The following VWA8 variants were observed in gnomAD, a reference collection of about 807,000 sequenced individuals.
VWA8 encodes von Willebrand factor A domain-containing protein 8.
VWA8 carries 221 observed loss-of-function variants against 241.5 expected under a neutral mutation model. The observed-to-expected ratio is 0.91, with a 90% CI of 0.82 to 1.02. VWA8 has a LOEUF of 1.02. Among genes scored for constraint, VWA8 ranks in the 50% least tolerant of loss-of-function variants. The pLI, the probability that VWA8 is intolerant of heterozygous loss-of-function variation, is 0.00. For missense variants in VWA8, 2,322 were observed against 2,328.7 expected, an observed-to-expected ratio of 1.00 and a Z score of 0.06; for synonymous variants, 852 against 827.1, an observed-to-expected ratio of 1.03 and a Z score of -0.52.
intron 42 of VWA8, among the ~76,000 whole-genome samples, chr13:41,587,096 C>A (rs2044423466): frequency 6.6e-6 from 1 of 152,148 alleles, no homozygotes. Flanking sequence ...GGGGAGACAC[C>A]AATGACTGTA....
chr13:41,666,407 C>T (rs1593684106), intron 37 of VWA8, among the ~76,000 whole-genome samples: 1 of 152,184 alleles, frequency 6.6e-6, no homozygotes, highest in East Asian at 1.9e-4. Context: ...CACCATCTTA[C>T]TGCCTCATTT....
chr13:41,613,546 G>C (rs747547937), intron 38 of VWA8, among the ~76,000 whole-genome samples: 1 of 152,206 alleles, frequency 6.6e-6, no homozygotes, highest in Non-Finnish European at 1.5e-5. Flanking sequence ...GGGAGAAAGT[G>C]GTGGAACCAT....
chr13:41,833,462 A>T lies in VWA8; in HGVS notation c.1495T>A (p.Ser499Thr), dbSNP rs1015860684. The T allele has an allele frequency of 6.2e-7, 1 of 1,614,064 alleles. No homozygotes were observed. The highest frequency in any genetic ancestry group is 1.7e-5 in the Admixed American group (1 of 59,994). ...LPNGDTAWRS[S>T]PLVNAALEGK... ...TCCAGAGCAGCATTCACAAGGGGTG[A>T]GGACCGCCAGGCAGTGTCTCCATTT... Residue 499 changes from serine to threonine, a missense_variant, in exon 13 of 45, where the codon TCA (serine) becomes ACA (threonine). By Grantham distance (58) the Ser-to-Thr change is moderately conservative (BLOSUM62 1). Transcript: ENST00000379310.
intron 37 of VWA8, among the ~76,000 whole-genome samples, chr13:41,660,240 T>A (rs1322967717): frequency 2.0e-5 from 3 of 152,112 alleles, no homozygotes; most frequent in African/African-American, 7.2e-5. Flanking sequence ...CTCAGCCTCC[T>A]GAGTAGCTGG....
At chr13:41,925,695 T>G in intron 2 of VWA8, 1 of 188,042 alleles carries the variant, frequency 5.3e-6, no homozygotes, top group Non-Finnish European at 1.1e-5. Context: ...AAGAAGAAAG[T>G]GGCAGAGAAG....
intron 1 of VWA8, 25 bp downstream of exon 1, chr13:41,960,828 A>G: frequency 6.6e-7 from 1 of 1,510,970 alleles, no homozygotes. Context: ...GGCACCAGGG[A>G]GGACAGGGGC....
intron 37 of VWA8, among the ~76,000 whole-genome samples, chr13:41,628,842 AC>A (rs1264097478): frequency 1.3e-5 from 2 of 152,186 alleles, no homozygotes; most frequent in Non-Finnish European, 2.9e-5. Flanking sequence ...AGAGATCGAG[AC>A]CATCCTCGCC....
At chr13:41,732,522 T>C (rs2045493203) in intron 21 of VWA8, among the ~76,000 whole-genome samples, 1 of 150,782 alleles carries the variant, frequency 6.6e-6, no homozygotes, top group African/African-American at 2.4e-5. Context: ...ATATTTATGT[T>C]GTTTAAATAT....
At chr13:41,933,521 A>T (rs1363727342) in intron 2 of VWA8, among the ~76,000 whole-genome samples, 1 of 152,070 alleles carries the variant, frequency 6.6e-6, no homozygotes, top group East Asian at 1.9e-4. Flanking sequence ...ACTTTTTAAA[A>T]GAACAAAGAT....
intron 4 of VWA8, among the ~76,000 whole-genome samples, chr13:41,893,738 G>T (rs1874966000): frequency 6.6e-6 from 1 of 152,140 alleles, no homozygotes; most frequent in East Asian, 1.9e-4. Context: ...ACAAAAATTA[G>T]CCAAGTGTGG....
At position 41,699,116 on chromosome 13, in the gene VWA8, C is replaced by T. The variant is rs749858904; in HGVS notation, c.3519G>A (p.Pro1173=). The T allele has an allele frequency of 1.6e-5, 26 of 1,613,862 alleles. No homozygotes were observed. The East Asian group carries it at 1.8e-4, about 11-fold the overall frequency. ...GVWHPFVTVA[P]LGSPLKGQVV... Reference sequence around the variant, plus strand: ...CTTGACCTTTGAGAGGACTTCCCAGCGGTGCCACTGTCACAAAAGGGTGCC... The same window carrying T: ...CTTGACCTTTGAGAGGACTTCCCAGTGGTGCCACTGTCACAAAAGGGTGCC... The change falls in exon 29 of 45, where the codon CCG becomes CCA. Residue 1173 remains proline, a synonymous_variant. Coordinates refer to ENST00000379310, the MANE Select transcript of VWA8 (RefSeq NM_015058.2).
At position 41,638,856 on chromosome 13, in the gene VWA8, T is replaced by C. The variant is rs191882716; in HGVS notation, c.4612-23772A>G. Among the ~76,000 whole-genome samples the C allele has an allele frequency of 5.8e-4, 88 of 151,916 alleles. No homozygotes were observed. The East Asian group carries it at 7.9e-3, about 14-fold the overall frequency. Reference sequence around the variant, plus strand: ...CATGTTTAAATGCTGATGGGAGGAATCCATAAGTGAGAGAGAGAGAATGTG... The same window carrying C: ...CATGTTTAAATGCTGATGGGAGGAACCCATAAGTGAGAGAGAGAGAATGTG... On this transcript the variant is annotated intron_variant, in intron 37 of 44. Coordinates refer to ENST00000379310, the MANE Select transcript of VWA8 (RefSeq NM_015058.2).
At chr13:41,790,470 G>A (rs1040000053) in intron 17 of VWA8, among the ~76,000 whole-genome samples, 1 of 151,976 alleles carries the variant, frequency 6.6e-6, no homozygotes, top group Non-Finnish European at 1.5e-5. Context: ...TGCAAATTGA[G>A]TTTTTGACAA....
chr13:41,797,849 T>A (rs1285397910), intron 17 of VWA8, among the ~76,000 whole-genome samples: 2 of 152,208 alleles, frequency 1.3e-5, no homozygotes, highest in African/African-American at 4.8e-5. Context: ...TCTTTTAAAA[T>A]CTTAATCAGA....
intron 26 of VWA8, among the ~76,000 whole-genome samples, chr13:41,713,745 G>T (rs1328379572): frequency 6.6e-6 from 1 of 152,094 alleles, no homozygotes; most frequent in Admixed American, 6.5e-5. Context: ...TAATCCTGAT[G>T]AGAACATCTC....
chr13:41,657,359 C>T (rs553931357), intron 37 of VWA8, among the ~76,000 whole-genome samples: 1 of 152,102 alleles, frequency 6.6e-6, no homozygotes, highest in African/African-American at 2.4e-5. Context: ...TTACTGTGAG[C>T]TGAATTTTTG....
At chr13:41,748,701 G>A (rs549347882) in intron 21 of VWA8, among the ~76,000 whole-genome samples, 2 of 152,198 alleles carry the variant, frequency 1.3e-5, no homozygotes, top group South Asian at 2.1e-4. Flanking sequence ...CAGAAATAAT[G>A]CCACACATCT....
chr13:41,731,326 G>A (rs1593727461), intron 22 of VWA8, among the ~76,000 whole-genome samples: 1 of 152,128 alleles, frequency 6.6e-6, no homozygotes, highest in East Asian at 1.9e-4. Flanking sequence ...GTTGAGGACT[G>A]GATCTTCCCA....
intron 40 of VWA8, among the ~76,000 whole-genome samples, chr13:41,594,569 T>C (rs1254843090): frequency 6.6e-6 from 1 of 152,176 alleles, no homozygotes; most frequent in Non-Finnish European, 1.5e-5. Flanking sequence ...GAATATATCT[T>C]ATAGTTGATG....
Sources: allele counts gnomAD v4.1 joint callset (sites outside exome capture counted in the v4.1 genomes callset), GRCh38; gene constraint gnomAD v4.1.1; transcripts MANE v1.5; gene names NCBI Gene and HGNC (gene_info 2026-07-23, HGNC 2026-07-21).